LCLAT1: variants seen among roughly 807,000 people sequenced by gnomAD.
The protein encoded by LCLAT1 is lysocardiolipin acyltransferase 1.
LCLAT1 carries 11 observed loss-of-function variants against 30.7 expected under a neutral mutation model. The observed-to-expected ratio is 0.36, with a 90% CI of 0.23 to 0.59. LCLAT1 has a LOEUF of 0.59. LCLAT1 is among the 20% of genes least tolerant of loss of function. The pLI is 0.77. For missense variants in LCLAT1, 402 were observed against 458.6 expected (o/e 0.88, Z 1.13); for synonymous variants, 155 against 151.3 (o/e 1.02, Z -0.18).
intron 5 of LCLAT1, chr2:30,606,391 CAT>C (rs1667451373): frequency 5.6e-6 from 1 of 178,278 alleles, no homozygotes; most frequent in South Asian, 8.9e-5. Context: ...AAAACAGACA[CAT>C]AGACCAATGG....
intron 5 of LCLAT1, among the ~76,000 whole-genome samples, chr2:30,630,563 A>G (rs1668718990): frequency 6.6e-6 from 1 of 152,272 alleles, no homozygotes; most frequent in African/African-American, 2.4e-5. Context: ...CAGAGAAAGT[A>G]TCACATGAAA....
At position 30,608,366 on chromosome 2, in the gene LCLAT1, TTGA is replaced by T. The variant is rs368147749; in HGVS notation, c.629-31747_629-31745del. On this transcript the variant is annotated intron_variant, in intron 5 of 5. Transcript: ENST00000379509. ...ACAGTAAGCTAAGGTTAATTTATTATTGATGAAAGTTTTTTAATAAATTTAGTG... is the reference window on the plus strand; with the variant it reads ...ACAGTAAGCTAAGGTTAATTTATTATTGAAAGTTTTTTAATAAATTTAGTG... Among the ~76,000 whole-genome samples, 1,114 of 152,046 alleles carry T rather than the reference TTGA, an allele frequency of 7.3e-3. 8 individuals are homozygous for T. Among genetic ancestry groups the T allele is most frequent in the Admixed American group, 0.011 (161 of 15,262 alleles).
intron 5 of LCLAT1, among the ~76,000 whole-genome samples, chr2:30,613,505 T>C (rs1199097579): frequency 6.6e-6 from 1 of 151,400 alleles, no homozygotes; most frequent in East Asian, 2.0e-4. Context: ...CACCTGTGGG[T>C]GTTTCTCGTA....
At chr2:30,495,466 A>C (rs908366368) in intron 1 of LCLAT1, among the ~76,000 whole-genome samples, 3 of 152,214 alleles carry the variant, frequency 2.0e-5, no homozygotes, top group Admixed American at 6.5e-5. Flanking sequence ...TCAATATAGT[A>C]ATAATTCTCT....
In LCLAT1 at chr2:30,640,251, C is replaced by T; in HGVS notation, c.763C>T (p.Leu255Phe). ...FHVHRYPIDT[L>F]PTSKEDLQLW... ...CGTCCACCGGTATCCAATAGACACC[C>T]TCCCCACATCCAAGGAGGACCTTCA... Residue 255 changes from leucine (L) to phenylalanine (F), a missense_variant, in exon 6 of 6, where the codon CTC becomes TTC. Physicochemically the swap from Leu to Phe is conservative, Grantham distance 22. Transcript: ENST00000379509. The T allele has an allele frequency of 6.2e-7, 1 of 1,614,102 alleles. No homozygotes were observed.
chr2:30,553,148 C>T (rs1261766246), intron 3 of LCLAT1, among the ~76,000 whole-genome samples: 1 of 151,688 alleles, frequency 6.6e-6, no homozygotes, highest in South Asian at 2.1e-4. Flanking sequence ...TATTCATCTA[C>T]ACTGAAATGA....
At chr2:30,534,242 TGTG>T (rs1234819224) in intron 3 of LCLAT1, among the ~76,000 whole-genome samples, 5 of 149,264 alleles carry the variant, frequency 3.3e-5, no homozygotes, top group African/African-American at 1.2e-4. Flanking sequence ...TGTGTGTGTG[TGTG>T]TGTGTGTGTG....
At chr2:30,619,736 A>C (rs1668155497) in intron 5 of LCLAT1, among the ~76,000 whole-genome samples, 2 of 152,148 alleles carry the variant, frequency 1.3e-5, no homozygotes, top group African/African-American at 4.8e-5. Context: ...AGCCACGAGG[A>C]TCTTCAGGCA....
intron 5 of LCLAT1, among the ~76,000 whole-genome samples, chr2:30,621,903 G>A (rs1469741786): frequency 1.3e-5 from 2 of 152,168 alleles, no homozygotes; most frequent in Non-Finnish European, 2.9e-5. Flanking sequence ...TTTCCTGGAC[G>A]GAATCTGGTG....
intron 3 of LCLAT1, among the ~76,000 whole-genome samples, chr2:30,558,335 C>T (rs1000347151): frequency 3.9e-5 from 6 of 152,148 alleles, no homozygotes; most frequent in African/African-American, 1.4e-4. Context: ...CGTGGTGGCT[C>T]ATGCCTGTAA....
chr2:30,455,618 G>A (rs1275844569), intron 1 of LCLAT1, among the ~76,000 whole-genome samples: 3 of 152,202 alleles, frequency 2.0e-5, no homozygotes, highest in African/African-American at 7.2e-5. Flanking sequence ...CTTTGTCTTA[G>A]GCTGGGTGTG....
chr2:30,582,698 G>A (rs989617235), intron 5 of LCLAT1, among the ~76,000 whole-genome samples: 4 of 152,064 alleles, frequency 2.6e-5, no homozygotes, highest in African/African-American at 4.8e-5. Flanking sequence ...CTGACTCACC[G>A]TGCTATGTTG....
At chr2:30,575,925 G>A (rs192538711) in intron 5 of LCLAT1, among the ~76,000 whole-genome samples, 80 of 152,152 alleles carry the variant, frequency 5.3e-4, no homozygotes, top group African/African-American at 1.1e-3. Flanking sequence ...TCTAACACTA[G>A]CCAGCTATAA....
chr2:30,571,416 C>A (rs996493100), intron 5 of LCLAT1, among the ~76,000 whole-genome samples: 1 of 152,144 alleles, frequency 6.6e-6, no homozygotes, highest in Non-Finnish European at 1.5e-5. Flanking sequence ...TGATAGCTAC[C>A]TAGGAAATAA....
intron 1 of LCLAT1, among the ~76,000 whole-genome samples, chr2:30,522,346 C>T (rs936662327): frequency 1.3e-5 from 2 of 152,120 alleles, no homozygotes; most frequent in African/African-American, 4.8e-5. Flanking sequence ...TCCTTGTCAG[C>T]TCCTGGTATT....
intron 1 of LCLAT1, among the ~76,000 whole-genome samples, chr2:30,460,539 T>G (rs1682063896): frequency 2.0e-5 from 3 of 152,234 alleles, no homozygotes; most frequent in Admixed American, 2.0e-4. Context: ...CCATTTCTTG[T>G]GTATGTGATA....
Position 30,633,883 on chromosome 2 carries a change from A to G in LCLAT1, c.629-6234A>G, listed in dbSNP as rs959420874. ...GATTTCTTCACTGTACTATGCATGTAGAGACTACAAAAGCCTCTTTCCATT... is the reference window on the plus strand; with the variant it reads ...GATTTCTTCACTGTACTATGCATGTGGAGACTACAAAAGCCTCTTTCCATT... On this transcript the variant is annotated intron_variant, in intron 5 of 5. Coordinates refer to ENST00000379509, the MANE Select transcript of LCLAT1 (RefSeq NM_001002257.3). 2.0e-5 allele frequency among the ~76,000 whole-genome samples: 3 copies of G among 152,336 alleles called. No individual in the cohort carries two copies. In the South Asian group the frequency reaches 6.2e-4, roughly 32 times the overall value.
intron 5 of LCLAT1, among the ~76,000 whole-genome samples, chr2:30,578,672 G>A (rs866406390): frequency 6.6e-6 from 1 of 151,988 alleles, no homozygotes; most frequent in East Asian, 1.9e-4. Flanking sequence ...CTATTTTTGC[G>A]GACTGATCTT....
chr2:30,629,420 C>A (rs1668661540), intron 5 of LCLAT1, among the ~76,000 whole-genome samples: 1 of 152,052 alleles, frequency 6.6e-6, no homozygotes, highest in South Asian at 2.1e-4. Flanking sequence ...ATTAGCCGGG[C>A]ATGGTGGTGG....
Sources: gnomAD v4.1 joint callset for allele counts (sites outside exome capture counted in the v4.1 genomes callset) on GRCh38, gnomAD v4.1.1 for gene constraint, MANE v1.5 for transcripts, NCBI Gene and HGNC (gene_info 2026-07-23, HGNC 2026-07-21) for gene names.